CNN3: variants seen among roughly 807,000 people sequenced by gnomAD.
CNN3 encodes calponin-3.
CNN3 carries 11 observed loss-of-function variants against 39.0 expected under a neutral mutation model. The ratio of observed to expected loss-of-function variants is 0.28; its 90% CI spans 0.18 to 0.47. The LOEUF (loss-of-function observed/expected upper bound fraction) is 0.47, where lower values mean the gene tolerates loss of function less well. Among genes scored for constraint, CNN3 ranks in the 20% least tolerant of loss-of-function variants. CNN3 has a pLI of 0.99. For synonymous variants in CNN3, 101 were observed against 138.3 expected (o/e 0.73, Z 1.89); for missense variants, 266 against 403.4 (o/e 0.66, Z 2.92).
At chr1:94,918,588 C>T (rs947367405) in intron 1 of CNN3, among the ~76,000 whole-genome samples, 5 of 151,204 alleles carry the variant, frequency 3.3e-5, no homozygotes, top group African/African-American at 1.2e-4. Flanking sequence ...AAGCGCATTG[C>T]CAGCACAGTT....
intron 1 of CNN3, among the ~76,000 whole-genome samples, chr1:94,915,693 A>G (rs1671262814): frequency 6.6e-6 from 1 of 152,192 alleles, no homozygotes; most frequent in Non-Finnish European, 1.5e-5. Context: ...TCAAGGGCCA[A>G]TGGAAAGAGG....
chr1:94,909,609 C>T (rs1475981895), intron 1 of CNN3, among the ~76,000 whole-genome samples: 3 of 152,142 alleles, frequency 2.0e-5, no homozygotes, highest in Admixed American at 1.3e-4. Flanking sequence ...AACACAACCC[C>T]GAGGGCCTAT....
chr1:94,907,583 G>C (rs1398310405), intron 1 of CNN3, among the ~76,000 whole-genome samples: 5 of 152,210 alleles, frequency 3.3e-5, no homozygotes, highest in Non-Finnish European at 7.3e-5. Flanking sequence ...CTTCCTGACA[G>C]GGCGCAGTGG....
Position 94,901,801 on chromosome 1 carries a change from C to G in CNN3, c.385-16G>C, listed in dbSNP as rs756943672. 2 of 1,554,838 alleles carry G rather than the reference C, an allele frequency of 1.3e-6. No homozygotes were observed. Among genetic ancestry groups the G allele is most frequent in the Non-Finnish European group, 1.8e-6 (2 of 1,127,730 alleles). ...TTGTTTTAGCCTAGACAGAAACATGCACACTAACTGAAAAGGCCAACAGAG... is the reference window on the plus strand; with the variant it reads ...TTGTTTTAGCCTAGACAGAAACATGGACACTAACTGAAAAGGCCAACAGAG... On this transcript the variant is annotated splice_polypyrimidine_tract_variant and intron_variant, in intron 4 of 6. Transcript: ENST00000370206.
At chr1:94,903,584 T>A (rs1670923253) in intron 1 of CNN3, 60 bp from the exon 2 acceptor site, 1 of 1,605,468 alleles carries the variant, frequency 6.2e-7, no homozygotes. Flanking sequence ...AACTGCCGAC[T>A]CACAACGCGC....
At chr1:94,913,307 T>A (rs1671209575) in intron 1 of CNN3, among the ~76,000 whole-genome samples, 1 of 152,202 alleles carries the variant, frequency 6.6e-6, no homozygotes, top group South Asian at 2.1e-4. Flanking sequence ...CGGGTGCGCA[T>A]GGAGTTCATG....
intron 1 of CNN3, among the ~76,000 whole-genome samples, chr1:94,920,516 C>A (rs1388115135): frequency 2.6e-5 from 4 of 152,130 alleles, no homozygotes; most frequent in Non-Finnish European, 4.4e-5. Flanking sequence ...ATAATGTGGG[C>A]TTTTGATTCC....
intron 1 of CNN3, among the ~76,000 whole-genome samples, chr1:94,923,382 C>T (rs991523920): frequency 2.6e-5 from 4 of 152,126 alleles, no homozygotes; most frequent in Admixed American, 2.6e-4. Flanking sequence ...TTTTCCCTGG[C>T]CCTTTTACTC....
intron 1 of CNN3, among the ~76,000 whole-genome samples, chr1:94,906,075 C>T (rs866854626): frequency 2.6e-5 from 4 of 152,118 alleles, no homozygotes; most frequent in African/African-American, 7.2e-5. Context: ...CTCCACCTCC[C>T]GAGTTCAAGC....
Position 94,904,030 on chromosome 1 carries a change from AAC to A in CNN3, c.58-508_58-507del, listed in dbSNP as rs146479903. Among the ~76,000 whole-genome samples, 20 of 151,644 alleles carry A rather than the reference AAC, an allele frequency of 1.3e-4. 1 individual carries two copies. Among genetic ancestry groups the A allele is most frequent in the Admixed American group, 8.5e-4 (13 of 15,216 alleles). On this transcript the variant is annotated intron_variant, in intron 1 of 6. Transcript: ENST00000370206. ...TCAGCCAAATACACACTATATACTA[AAC>A]ACACACACACACACTTTCCTCAGTA...
At chr1:94,913,621 G>A (rs930550499) in intron 1 of CNN3, among the ~76,000 whole-genome samples, 3 of 152,210 alleles carry the variant, frequency 2.0e-5, no homozygotes, top group Non-Finnish European at 4.4e-5. Context: ...AAACTAGGTG[G>A]GGAAGGGATT....
chr1:94,924,060 G>GAT (rs1362486464), intron 1 of CNN3: 5 of 152,268 alleles, frequency 3.3e-5, no homozygotes, highest in Admixed American at 6.5e-5. Flanking sequence ...TGAGATGTGG[G>GAT]GGTAGATGGG....
At chr1:94,919,063 G>C (rs750870406) in intron 1 of CNN3, among the ~76,000 whole-genome samples, 3 of 152,114 alleles carry the variant, frequency 2.0e-5, no homozygotes, top group Non-Finnish European at 4.4e-5. Context: ...AAAAAGAAGG[G>C]GGGGAAGCTC....
chr1:94,905,100 C>A (rs549884544), intron 1 of CNN3, among the ~76,000 whole-genome samples: 1 of 152,238 alleles, frequency 6.6e-6, no homozygotes, highest in African/African-American at 2.4e-5. Context: ...GGACTGTGGG[C>A]TGCATTCAGG....
chr1:94,918,092 CAT>C (rs1381680540), intron 1 of CNN3, among the ~76,000 whole-genome samples: 1 of 152,234 alleles, frequency 6.6e-6, no homozygotes, highest in Non-Finnish European at 1.5e-5. Flanking sequence ...TCTGGCTTAA[CAT>C]AAAGTCCTTT....
chr1:94,910,234 T>C (rs1320282546), intron 1 of CNN3, among the ~76,000 whole-genome samples: 1 of 152,208 alleles, frequency 6.6e-6, no homozygotes, highest in African/African-American at 2.4e-5. Context: ...TTTCATCTTC[T>C]TTCTCCATTA....
chr1:94,897,742 C>CTAA lies in CNN3; in HGVS notation c.987_989dup (p.Tyr329dup). The CTAA allele has an allele frequency of 6.2e-7, 1 of 1,612,330 alleles. No homozygotes were observed. The highest frequency in any genetic ancestry group is 8.5e-7 in the Non-Finnish European group (1 of 1,178,610). ...AATACTGAGCTCCTTCTGTGTGGAT[C>CTAA]TAATAATCAATGCCTTGGTCGCTAT... On this transcript the variant is annotated inframe_insertion, in exon 7 of 7. Coordinates refer to ENST00000370206, the MANE Select transcript of CNN3 (RefSeq NM_001839.5).
chr1:94,903,389 G>C lies in CNN3; in HGVS notation c.179+14C>G. The C allele has an allele frequency of 2.5e-6, 4 of 1,568,730 alleles. No homozygotes were observed. Among genetic ancestry groups the C allele is most frequent in the Non-Finnish European group, 3.4e-6 (4 of 1,159,924 alleles). ...TGGAAGAGCAGAAACAGATTCTGGA[G>C]GGCTGTAACTCACTCGCAGAGGATG... On this transcript the variant is annotated intron_variant, in intron 2 of 6. Coordinates refer to ENST00000370206, the MANE Select transcript of CNN3 (RefSeq NM_001839.5).
intron 1 of CNN3, among the ~76,000 whole-genome samples, chr1:94,920,038 G>A (rs994907080): frequency 3.3e-5 from 5 of 152,200 alleles, no homozygotes; most frequent in Admixed American, 1.3e-4. Context: ...CCAGCTAGCT[G>A]TGGAGGAATA....
Sources: allele counts gnomAD v4.1 joint callset (sites outside exome capture counted in the v4.1 genomes callset), GRCh38; gene constraint gnomAD v4.1.1; transcripts MANE v1.5; gene names NCBI Gene and HGNC (gene_info 2026-07-23, HGNC 2026-07-21).